Variants in HOOK3 observed in about 807,000 individuals in gnomAD.
HOOK3 encodes hook microtubule tethering protein 3, also known as protein Hook homolog 3.
A neutral mutation model predicts 116.3 loss-of-function variants in HOOK3; 24 were observed. That is an observed-to-expected ratio of 0.21 (90% confidence interval 0.15 to 0.29). HOOK3 has a LOEUF of 0.29. Ranked by LOEUF, HOOK3 falls within the 10% of genes least tolerant of loss-of-function variation. The pLI is 1.00. For synonymous variants in HOOK3, 275 were observed against 283.0 expected (o/e 0.97, Z 0.28); for missense variants, 632 against 830.2 (o/e 0.76, Z 2.93).
At chr8:43,014,787 T>C (rs143319298) in intron 21 of HOOK3, among the ~76,000 whole-genome samples, 11 of 152,300 alleles carry the variant, frequency 7.2e-5, no homozygotes, top group Non-Finnish European at 1.3e-4. Context: ...TGATTTGATC[T>C]TTGTCAAAAA....
In HOOK3 at chr8:42,917,317, T is replaced by G. The variant is rs142592126; in HGVS notation, c.144-8240T>G. On this transcript the variant is annotated intron_variant, in intron 2 of 21. Coordinates refer to ENST00000307602, the MANE Select transcript of HOOK3 (RefSeq NM_032410.4). ...AACCCTGTTGTTAATGGTTTTTATT[T>G]GGGATCTCATTACATAGGCATGATT... 1.0e-3 allele frequency among the ~76,000 whole-genome samples: 158 copies of G among 152,312 alleles called. 1 individual carries two copies. In the South Asian group the frequency reaches 0.019, roughly 19 times the overall value.
chr8:42,944,805 C>T (rs1366101843), intron 5 of HOOK3, among the ~76,000 whole-genome samples: 1 of 151,928 alleles, frequency 6.6e-6, no homozygotes, highest in Non-Finnish European at 1.5e-5. Flanking sequence ...GGCAATAGAT[C>T]AAGACTTTTT....
Position 42,997,510 on chromosome 8 carries a change from A to T in HOOK3, c.1533-40A>T, listed in dbSNP as rs781468065. 14 of 1,300,642 alleles carry T rather than the reference A, an allele frequency of 1.1e-5. No homozygotes were observed. The East Asian group carries it at 2.8e-4, about 26-fold the overall frequency. 80.6% of individuals were successfully genotyped at this position (1,300,642 alleles called of 1,614,324 possible). ...CAACCTAGGGAAAAAAGGCATACGTAACTCACCACTTGGAAAATTAATGTA... is the reference window on the plus strand; with the variant it reads ...CAACCTAGGGAAAAAAGGCATACGTTACTCACCACTTGGAAAATTAATGTA... On this transcript the variant is annotated intron_variant, in intron 15 of 21. Coordinates refer to ENST00000307602, the MANE Select transcript of HOOK3 (RefSeq NM_032410.4).
intron 1 of HOOK3, among the ~76,000 whole-genome samples, chr8:42,903,605 A>C (rs1273841166): frequency 1.3e-5 from 2 of 150,466 alleles, no homozygotes; most frequent in African/African-American, 4.9e-5. Flanking sequence ...GGCCTCCCAA[A>C]GTGCTGGGAT....
At chr8:42,976,598 A>G (rs1808834375) in intron 13 of HOOK3, among the ~76,000 whole-genome samples, 1 of 152,166 alleles carries the variant, frequency 6.6e-6, no homozygotes, top group Non-Finnish European at 1.5e-5. Flanking sequence ...TCAAGTTTGT[A>G]TAAGAATGGT....
At chr8:42,943,233 A>G in intron 4 of HOOK3, 80 bp from the exon 5 acceptor site, 3 of 942,896 alleles carry the variant, frequency 3.2e-6, no homozygotes, top group Non-Finnish European at 4.4e-6. Context: ...GTTTCTGGTA[A>G]TAACAAACCT....
At chr8:42,939,135 C>A (rs1054219639) in intron 4 of HOOK3, among the ~76,000 whole-genome samples, 5 of 152,230 alleles carry the variant, frequency 3.3e-5, no homozygotes, top group Non-Finnish European at 7.3e-5. Context: ...CAGACAACGG[C>A]AACCATCTGA....
intron 6 of HOOK3, among the ~76,000 whole-genome samples, chr8:42,951,060 A>G (rs1426009864): frequency 6.6e-6 from 1 of 151,738 alleles, no homozygotes; most frequent in Non-Finnish European, 1.5e-5. Context: ...ATAATAAATA[A>G]TATCTATTAT....
chr8:42,910,699 C>T (rs1807409132), intron 2 of HOOK3, among the ~76,000 whole-genome samples: 1 of 152,200 alleles, frequency 6.6e-6, no homozygotes, highest in Non-Finnish European at 1.5e-5. Context: ...ACCTCACCAA[C>T]ATTGATTCTT....
chr8:42,944,395 G>A (rs889629087), intron 5 of HOOK3, among the ~76,000 whole-genome samples: 3 of 151,170 alleles, frequency 2.0e-5, no homozygotes, highest in Non-Finnish European at 1.5e-5. Context: ...CAGCCTGGGC[G>A]ACAGAGCAAG....
At chr8:42,930,638 A>G (rs1183305106) in intron 4 of HOOK3, among the ~76,000 whole-genome samples, 3 of 152,226 alleles carry the variant, frequency 2.0e-5, no homozygotes, top group Non-Finnish European at 4.4e-5. Flanking sequence ...CAAAGATGCC[A>G]AATGGACACA....
At chr8:42,963,945 C>T (rs572332983) in intron 8 of HOOK3, among the ~76,000 whole-genome samples, 14 of 152,346 alleles carry the variant, frequency 9.2e-5, no homozygotes, top group East Asian at 3.8e-4. Context: ...CAGTGGCTCA[C>T]GCCTGTAATC....
intron 14 of HOOK3, among the ~76,000 whole-genome samples, 192 bp downstream of exon 14, chr8:42,982,888 C>T (rs1048196702): frequency 2.0e-5 from 3 of 152,212 alleles, no homozygotes; most frequent in African/African-American, 4.8e-5. Context: ...TTGATTTGCT[C>T]ACTTCAATAA....
At chr8:43,007,070 A>G (rs533352851) in intron 17 of HOOK3, among the ~76,000 whole-genome samples, 17 of 120,900 alleles carry the variant, frequency 1.4e-4, no homozygotes, top group African/African-American at 5.7e-4. Context: ...TCTGTCATCC[A>G]GGCTGGAGTA....
chr8:42,956,356 G>A (rs918968866), intron 6 of HOOK3, among the ~76,000 whole-genome samples: 1 of 151,620 alleles, frequency 6.6e-6, no homozygotes, highest in African/African-American at 2.4e-5. Context: ...TTTTTAGTGA[G>A]AAGCCACTAT....
intron 19 of HOOK3, among the ~76,000 whole-genome samples, chr8:43,012,469 T>C (rs1391146898): frequency 1.3e-5 from 2 of 152,268 alleles, no homozygotes; most frequent in Admixed American, 1.3e-4. Flanking sequence ...ACTGCATTTA[T>C]TAATTTTAAG....
intron 14 of HOOK3, 78 bp from the exon 15 acceptor site, chr8:42,986,577 G>A (rs1223112183): frequency 2.7e-6 from 3 of 1,097,758 alleles, no homozygotes; most frequent in Non-Finnish European, 3.8e-6. Context: ...GTGCTTAGCT[G>A]GATTTGATAC....
At chr8:42,965,519 T>C (rs746500624) in intron 9 of HOOK3, among the ~76,000 whole-genome samples, 1 of 152,120 alleles carries the variant, frequency 6.6e-6, no homozygotes, top group Non-Finnish European at 1.5e-5. Flanking sequence ...AAGGAAAATA[T>C]GTCCTGCAAG....
chr8:42,976,306 G>C (rs1243908905), intron 13 of HOOK3, among the ~76,000 whole-genome samples: 1 of 151,866 alleles, frequency 6.6e-6, no homozygotes, highest in Non-Finnish European at 1.5e-5. Context: ...ACAAGTTCAA[G>C]AGCAGCCTGG....
Sources: allele counts gnomAD v4.1 joint callset (sites outside exome capture counted in the v4.1 genomes callset), GRCh38; gene constraint gnomAD v4.1.1; transcripts MANE v1.5; gene names NCBI Gene and HGNC (gene_info 2026-07-23, HGNC 2026-07-21).